The following XPO1 variants were observed in gnomAD, a reference collection of about 807,000 sequenced individuals.
XPO1 encodes the protein exportin-1.
XPO1 carries 5 observed loss-of-function variants against 133.3 expected under a neutral mutation model. The ratio of observed to expected loss-of-function variants is 0.04; its 90% CI spans 0.02 to 0.08. The LOEUF is 0.08. XPO1 is among the 10% of genes least tolerant of loss of function. The probability of loss-of-function intolerance (pLI) is 1.00; values close to 1 mark genes in which losing one functional copy is unlikely to be tolerated. For synonymous variants in XPO1, 419 were observed against 408.2 expected (o/e 1.03, Z -0.32); for missense variants, 506 against 1,267.5 (o/e 0.40, Z 9.12).
intron 3 of XPO1, among the ~76,000 whole-genome samples, chr2:61,523,952 G>A (rs1698803915): frequency 6.6e-6 from 1 of 152,114 alleles, no homozygotes; most frequent in South Asian, 2.1e-4. Flanking sequence ...TTACAAATTT[G>A]ATGCTATTAA....
chr2:61,537,881 G>A lies in XPO1; in HGVS notation c.-326C>T, dbSNP rs987996403. 6.4e-6 allele frequency: 1 copy of A among 157,170 alleles called. No individual in the cohort carries two copies. Among genetic ancestry groups the A allele is most frequent in the Non-Finnish European group, 1.4e-5 (1 of 71,734 alleles). The allele number at this position is 157,170 out of a possible 1,614,324, so 9.7% of individuals were successfully genotyped here. A position where few individuals can be genotyped will look rare whatever the true frequency, so the allele number is the denominator to read the frequency against. Reference sequence around the variant, plus strand: ...GGAGGGAACGGGGTCAAGTCCCAAAGATTCAGCCCCAGGGGGACCCTCCAG... The same window carrying A: ...GGAGGGAACGGGGTCAAGTCCCAAAAATTCAGCCCCAGGGGGACCCTCCAG... On this transcript the variant is annotated 5_prime_UTR_variant, in exon 1 of 25. Coordinates refer to ENST00000401558, the MANE Select transcript of XPO1 (RefSeq NM_003400.4).
chr2:61,537,151 T>C (rs1316224104), intron 1 of XPO1: 2 of 152,094 alleles, frequency 1.3e-5, no homozygotes, highest in African/African-American at 4.8e-5. Flanking sequence ...GACGTTTCAA[T>C]GCTGCTGCAC....
At chr2:61,535,192 T>C (rs1457813375) in intron 1 of XPO1, among the ~76,000 whole-genome samples, 3 of 152,256 alleles carry the variant, frequency 2.0e-5, no homozygotes, top group African/African-American at 4.8e-5. Flanking sequence ...TCTGCTTTTC[T>C]TCAAAGCCAA....
chr2:61,493,741 A>G, intron 12 of XPO1, 153 bp downstream of exon 12: 1 of 785,650 alleles, frequency 1.3e-6, no homozygotes, highest in Non-Finnish European at 2.1e-6. Context: ...TCTAGACTCA[A>G]CTCCTTTCAT....
chr2:61,484,997 G>T (rs554560154), intron 20 of XPO1: 1 of 152,104 alleles, frequency 6.6e-6, no homozygotes, highest in African/African-American at 2.4e-5. Flanking sequence ...CACCGGCCTC[G>T]GCCTCTCAAA....
chr2:61,490,496 G>C (rs1207200669), intron 17 of XPO1, 146 bp downstream of exon 17: 1 of 1,191,442 alleles, frequency 8.4e-7, no homozygotes, highest in Admixed American at 2.6e-5. Context: ...ACCACACCTC[G>C]CCCAGATAAT....
At chr2:61,527,956 T>C (rs1431502204) in intron 2 of XPO1, among the ~76,000 whole-genome samples, 2 of 151,750 alleles carry the variant, frequency 1.3e-5, no homozygotes, top group Admixed American at 6.6e-5. Flanking sequence ...AGTTGGAGTC[T>C]TGCTCTGTCA....
chr2:61,512,811 C>G (rs755269326), intron 4 of XPO1, among the ~76,000 whole-genome samples: 35 of 152,182 alleles, frequency 2.3e-4, no homozygotes, highest in Non-Finnish European at 4.4e-4. Context: ...GAGGCTGAGA[C>G]TGGCGGATCA....
At chr2:61,501,144 T>C (rs1697494245) in intron 6 of XPO1, among the ~76,000 whole-genome samples, 1 of 152,156 alleles carries the variant, frequency 6.6e-6, no homozygotes, top group South Asian at 2.1e-4. Flanking sequence ...TAAAGTATAA[T>C]AAAAGCTGGA....
At chr2:61,505,284 T>C (rs1697742322) in intron 4 of XPO1, among the ~76,000 whole-genome samples, 1 of 152,220 alleles carries the variant, frequency 6.6e-6, no homozygotes, top group Non-Finnish European at 1.5e-5. Flanking sequence ...TGACCCACCA[T>C]ACCCAGCCTA....
At chr2:61,493,598 TGTTACAGGA>T (rs1322778328) in intron 12 of XPO1, 1 of 277,926 alleles carries the variant, frequency 3.6e-6, no homozygotes, top group Non-Finnish European at 6.7e-6. Context: ...AACCAACTTC[TGTTACAGGA>T]GTTTCCTGTG....
intron 4 of XPO1, among the ~76,000 whole-genome samples, chr2:61,521,819 A>G (rs1698706282): frequency 6.6e-6 from 1 of 152,002 alleles, no homozygotes. Flanking sequence ...ACAGTGGCAC[A>G]ATGATGGCTC....
chr2:61,487,428 G>A (rs1286752416), intron 19 of XPO1, among the ~76,000 whole-genome samples: 1 of 151,836 alleles, frequency 6.6e-6, no homozygotes, highest in East Asian at 1.9e-4. Context: ...GCCAACTTAA[G>A]TATTCCACAA....
At chr2:61,503,749 T>G (rs962385839) in intron 4 of XPO1, among the ~76,000 whole-genome samples, 1 of 152,146 alleles carries the variant, frequency 6.6e-6, no homozygotes, top group Admixed American at 6.5e-5. Context: ...TGTATTTTTA[T>G]AGAGACATGT....
chr2:61,520,357 A>G (rs1573204780), intron 4 of XPO1, among the ~76,000 whole-genome samples: 2 of 152,156 alleles, frequency 1.3e-5, no homozygotes, highest in Non-Finnish European at 2.9e-5. Flanking sequence ...TAAAAAGGTA[A>G]TCATGTTGAC....
chr2:61,516,547 TG>T (rs1698400106), intron 4 of XPO1, among the ~76,000 whole-genome samples: 1 of 151,890 alleles, frequency 6.6e-6, no homozygotes, highest in African/African-American at 2.4e-5. Context: ...CCCCAATAGC[TG>T]GGATTACAGG....
Position 61,482,617 on chromosome 2 carries a change from T to G in XPO1, c.2813-78A>C, listed in dbSNP as rs570177007. On this transcript the variant is annotated intron_variant, in intron 22 of 24. Transcript: ENST00000401558. ...TTAGCGTTTTTTTTTGTTTTGTTTT[T>G]TTTTTTTAGACGGAGTCTCGCTCTG... is the stretch of plus-strand genomic sequence containing the variant. 1,142 of 1,321,770 alleles carry G rather than the reference T, an allele frequency of 8.6e-4. 4 individuals are homozygous for G. The African/African-American group carries it at 9.2e-3, about 11-fold the overall frequency. 81.9% of individuals were successfully genotyped at this position (1,321,770 alleles called of 1,614,324 possible). A position where few individuals can be genotyped will look rare whatever the true frequency, so the allele number is the denominator to read the frequency against.
intron 20 of XPO1, chr2:61,484,314 A>C (rs1028863830): frequency 2.0e-6 from 1 of 488,350 alleles, no homozygotes. Context: ...TGAGTTATCA[A>C]ATTGAAGGAG....
chr2:61,502,052 T>G lies in XPO1; in HGVS notation c.364-12A>C. On this transcript the variant is annotated splice_polypyrimidine_tract_variant and intron_variant, in intron 5 of 24. Coordinates refer to ENST00000401558, the MANE Select transcript of XPO1 (RefSeq NM_003400.4). ...TACACCTTTTCTTTCTAAGGAAAAG[T>G]AAAAGATTAAATGAGAGCCTGAGGT... The G allele has an allele frequency of 6.3e-7, 1 of 1,595,274 alleles. No individual in the cohort carries two copies. The highest frequency in any genetic ancestry group is 8.5e-7 in the Non-Finnish European group (1 of 1,169,596).
Sources: gnomAD v4.1 joint callset for allele counts (sites outside exome capture counted in the v4.1 genomes callset) on GRCh38, gnomAD v4.1.1 for gene constraint, MANE v1.5 for transcripts, NCBI Gene and HGNC (gene_info 2026-07-23, HGNC 2026-07-21) for gene names.